The following PF4 variants were observed in gnomAD, a reference collection of about 807,000 sequenced individuals.
The protein encoded by PF4 is platelet factor 4.
Under a neutral mutation model 6.9 loss-of-function variants are expected in PF4, and 8 were observed. The ratio of observed to expected loss-of-function variants is 1.16; its 90% confidence interval spans 0.68 to 2.09. PF4 has a LOEUF of 2.09. Among genes scored for constraint, PF4 ranks in the 30% most tolerant of loss-of-function variants. The pLI is 0.00. For missense variants in PF4, 111 were observed against 122.9 expected (o/e 0.90, Z 0.46); for synonymous variants, 55 against 56.5 (o/e 0.97, Z 0.12).
rs1027382160 is a variant in PF4 at position 73,981,170 on chromosome 4, A to G, written c.*34T>C. The G allele has an allele frequency of 5.0e-6, 7 of 1,410,418 alleles. No individual in the cohort carries two copies. Among genetic ancestry groups the G allele is most frequent in the South Asian group, 2.3e-5 (2 of 86,980 alleles). 87.4% of individuals were successfully genotyped at this position (1,410,418 alleles called of 1,614,324 possible). A position where few individuals can be genotyped will look rare whatever the true frequency, so the allele number is the denominator to read the frequency against. On this transcript the variant is annotated 3_prime_UTR_variant, in exon 3 of 3. Coordinates refer to ENST00000296029, the MANE Select transcript of PF4 (RefSeq NM_002619.4). ...TGAAACTGGAAAAAAGAAGTATGCT[A>G]TATAGCAAATGCACACACGTAGGCA...
rs1279323841 is a variant in PF4, at chr4:73,981,101, T to A, written c.*103A>T. 1.3e-6 allele frequency: 1 copy of A among 795,344 alleles called. No homozygotes were observed. The highest frequency in any genetic ancestry group is 2.0e-6 in the Non-Finnish European group (1 of 488,082). The allele number at this position is 795,344 out of a possible 1,614,324, so 49.3% of individuals were successfully genotyped here. ...CTTGATTTATTTTGTTTATTTAAAA[T>A]CATAAGGATAACACAAATATCAGAA... On this transcript the variant is annotated 3_prime_UTR_variant, in exon 3 of 3. Transcript: ENST00000296029.
chr4:73,981,977 A>T lies in PF4; in HGVS notation c.-24T>A. On this transcript the variant is annotated 5_prime_UTR_variant, in exon 1 of 3. Coordinates refer to ENST00000296029, the MANE Select transcript of PF4 (RefSeq NM_002619.4). ...ATGCTGCGGCAGAGCTTCCAGCAGGATCTCAGTGCTCAGTGCGATGGGAAA... is the reference window on the plus strand; with the variant it reads ...ATGCTGCGGCAGAGCTTCCAGCAGGTTCTCAGTGCTCAGTGCGATGGGAAA... The T allele has an allele frequency of 6.5e-7, 1 of 1,544,402 alleles. No homozygotes were observed. Among genetic ancestry groups the T allele is most frequent in the Non-Finnish European group, 8.8e-7 (1 of 1,141,156 alleles).
intron 2 of PF4, 62 bp downstream of exon 2, chr4:73,981,355 G>A: frequency 6.2e-7 from 1 of 1,614,028 alleles, no homozygotes; most frequent in Non-Finnish European, 8.5e-7. Flanking sequence ...CATTAGAAGG[G>A]GGAGGGTTGG....
Position 73,981,550 on chromosome 4 carries a change from G to A in PF4, c.92-7C>T, listed in dbSNP as rs774757826. 6.2e-7 allele frequency: 1 copy of A among 1,611,494 alleles called. No individual in the cohort carries two copies. The highest frequency in any genetic ancestry group is 1.1e-5 in the South Asian group (1 of 90,688). ...CCATCTTCTTCAGCTTCAGCTGAGG[G>A]GGAAATGGAGAGGGTAAGAGAGGAG... On this transcript the variant is annotated splice_region_variant and splice_polypyrimidine_tract_variant and intron_variant, in intron 1 of 2. Coordinates refer to ENST00000296029, the MANE Select transcript of PF4 (RefSeq NM_002619.4).
rs750593879 is a variant in PF4, at chr4:73,981,271, C to T, written c.239G>A (p.Arg80Lys). The T allele has an allele frequency of 3.7e-6, 6 of 1,614,080 alleles. No individual in the cohort carries two copies. In the East Asian group the frequency reaches 1.3e-4, roughly 36 times the overall value. Residue 80 changes from arginine (R) to lysine (K), a missense_variant, in exon 3 of 3, where the codon AGG (arginine) becomes AAG (lysine). Arg to Lys is a conservative substitution (Grantham distance 26). Transcript: ENST00000296029. Reference sequence around the variant, plus strand: ...GGCTTGCAGGTCCAAGCAAATTTTCCTTCCATTCTTCAGCGTGGCTCTGGC... The same window carrying T: ...GGCTTGCAGGTCCAAGCAAATTTTCTTTCCATTCTTCAGCGTGGCTCTGGC... ...AQLIATLKNG[R>K]KICLDLQAPL...
chr4:73,981,728 T>G, intron 1 of PF4, 135 bp downstream of exon 1: 1 of 1,475,082 alleles, frequency 6.8e-7, no homozygotes, highest in Non-Finnish European at 9.0e-7. Flanking sequence ...CGCCTGGCAC[T>G]GTGGCCAGAC....
At position 73,981,189 on chromosome 4, in the gene PF4, G is replaced by T. The variant is rs201608869; in HGVS notation, c.*15C>A. 5.0e-6 allele frequency: 8 copies of T among 1,586,748 alleles called. No homozygotes were observed. The highest frequency in any genetic ancestry group is 1.7e-5 in the Admixed American group (1 of 59,994). ...TATGCTATATAGCAAATGCACACAC[G>T]TAGGCAGCTAGTAGCTAACTCTCCA... On this transcript the variant is annotated 3_prime_UTR_variant, in exon 3 of 3. Coordinates refer to ENST00000296029, the MANE Select transcript of PF4 (RefSeq NM_002619.4).
rs1490147926 is a variant in PF4, at chr4:73,981,927, G to GGC, written c.25_26dup (p.Ser10ProfsTer36). On this transcript the variant is annotated frameshift_variant, in exon 1 of 3. Coordinates refer to ENST00000296029, the MANE Select transcript of PF4 (RefSeq NM_002619.4). LOFTEE classifies it high-confidence loss of function. Reference sequence around the variant, plus strand: ...CCAGGAACAGCAGCCCGGGGCGTGAGGCGCAGAACCCGGCTGCGGAGCTCA... The same window carrying GGC: ...CCAGGAACAGCAGCCCGGGGCGTGAGGCGCGCAGAACCCGGCTGCGGAGCTCA... 3 of 1,551,028 alleles carry GGC rather than the reference G, an allele frequency of 1.9e-6. No homozygotes were observed. The highest frequency in any genetic ancestry group is 2.6e-6 in the Non-Finnish European group (3 of 1,146,894).
At chr4:73,981,680 C>G in intron 1 of PF4, 137 bp from the exon 2 acceptor site, 2 of 1,478,814 alleles carry the variant, frequency 1.4e-6, no homozygotes, top group Non-Finnish European at 1.8e-6. Context: ...CTCCCCCAGA[C>G]AGAAGTTGTT....
rs144889653 is a variant in PF4 at position 73,980,883 on chromosome 4, C to A, written c.*321G>T. 4.6e-5 allele frequency among the ~76,000 whole-genome samples: 7 copies of A among 152,302 alleles called. No homozygotes were observed. Among genetic ancestry groups the A allele is most frequent in the Non-Finnish European group, 1.0e-4 (7 of 68,034 alleles). ...AATAATGGTCAAGGTAAATATGTAG[C>A]TATAAAGTACTGCAATCATGTAAAT... is the stretch of plus-strand genomic sequence containing the variant. On this transcript the variant is annotated 3_prime_UTR_variant, in exon 3 of 3. Coordinates refer to ENST00000296029, the MANE Select transcript of PF4 (RefSeq NM_002619.4).
chr4:73,981,300 G>A lies in PF4; in HGVS notation c.219-9C>T, dbSNP rs779148321. The A allele has an allele frequency of 2.5e-6, 4 of 1,614,180 alleles. No homozygotes were observed. Among genetic ancestry groups the A allele is most frequent in the Non-Finnish European group, 3.4e-6 (4 of 1,180,002 alleles). On this transcript the variant is annotated splice_polypyrimidine_tract_variant and intron_variant, in intron 2 of 2. Transcript: ENST00000296029. ...CATTCTTCAGCGTGGCTCTGGCAGG[G>A]AAAAGAGAAGAGATGTGACTTTCAG...
rs1211023006 is a variant in PF4, at chr4:73,981,222, C to T, written c.288G>A (p.Lys96=). ...CTAGTAGCTAACTCTCCAAAAGTTTCTTAATTATTTTCTTGTACAGCGGGG... is the reference window on the plus strand; with the variant it reads ...CTAGTAGCTAACTCTCCAAAAGTTTTTTAATTATTTTCTTGTACAGCGGGG... ...LQAPLYKKII[K]KLLES The change falls in exon 3 of 3, where the codon AAG becomes AAA. Residue 96 remains lysine, a synonymous_variant. Transcript: ENST00000296029. The T allele has an allele frequency of 6.2e-7, 1 of 1,614,042 alleles. No homozygotes were observed. Among genetic ancestry groups the T allele is most frequent in the Middle Eastern group, 1.6e-4 (1 of 6,062 alleles).
chr4:73,981,380 G>A, intron 2 of PF4, 37 bp downstream of exon 2: 4 of 1,614,066 alleles, frequency 2.5e-6, no homozygotes, highest in Non-Finnish European at 3.4e-6. Context: ...AGGAGGCACG[G>A]AGCGGGAGCA....
intron 1 of PF4, 36 bp from the exon 2 acceptor site, chr4:73,981,579 G>C: frequency 6.3e-7 from 1 of 1,591,496 alleles, no homozygotes; most frequent in East Asian, 2.3e-5. Context: ...AGAGGAGGAG[G>C]GGAGGGAGTG....
At chr4:73,982,100 G>A, upstream of PF4, 1 of 434,084 alleles carries the variant, frequency 2.3e-6, no homozygotes, top group Non-Finnish European at 4.1e-6. Context: ...TGGACACCGA[G>A]GAACTGCGGT....
At chr4:73,982,096 C>T (rs1718822201), upstream of PF4, 1 of 476,468 alleles carries the variant, frequency 2.1e-6, no homozygotes, top group Non-Finnish European at 3.7e-6. Flanking sequence ...GAAGTGGACA[C>T]CGAGGAACTG....
rs1168643289 is a variant in PF4 at position 73,981,915 on chromosome 4, C to A, written c.39G>T (p.Gly13=). ...GGAGCAGCAACCCCAGGAACAGCAG[C>A]CCGGGGCGTGAGGCGCAGAACCCGG... ...SAAGFCASRP[G]LLFLGLLLLP... The change falls in exon 1 of 3, where the codon GGG becomes GGT. Residue 13 remains glycine, a synonymous_variant. Transcript: ENST00000296029. 1 of 1,551,184 alleles carries A rather than the reference C, an allele frequency of 6.4e-7. No homozygotes were observed. The highest frequency in any genetic ancestry group is 8.7e-7 in the Non-Finnish European group (1 of 1,146,904).
At position 73,981,024 on chromosome 4, in the gene PF4, T is replaced by C. The variant is rs2109810397; in HGVS notation, c.*180A>G. ...TTTTTTCTTCCATGAAATTGTTATG[T>C]GTCAACACAATTTTTGCACTATTAT... is the stretch of plus-strand genomic sequence containing the variant. On this transcript the variant is annotated 3_prime_UTR_variant, in exon 3 of 3. Coordinates refer to ENST00000296029, the MANE Select transcript of PF4 (RefSeq NM_002619.4). The C allele has an allele frequency of 1.7e-6, 1 of 585,478 alleles. No individual in the cohort carries two copies. Among genetic ancestry groups the C allele is most frequent in the South Asian group, 2.3e-5 (1 of 42,914 alleles). 36.3% of individuals were successfully genotyped at this position (585,478 alleles called of 1,614,324 possible). A position where few individuals can be genotyped will look rare whatever the true frequency, so the allele number is the denominator to read the frequency against.
rs139635008 is a variant in PF4 at position 73,981,426 on chromosome 4, G to T, written c.209C>A (p.Ala70Asp). The change falls in exon 2 of 3, where the codon GCC (alanine) becomes GAC (aspartate). Residue 70 changes from alanine to aspartate, a missense_variant. By Grantham distance (126) the Ala-to-Asp change is moderately radical (BLOSUM62 -2). Transcript: ENST00000296029. ...VIKAGPHCPTAQLIATLKNGR... is the reference protein window; with the variant it reads ...VIKAGPHCPTDQLIATLKNGR... ...CAGTGCAAGGACTCACATCAGTTGG[G>T]CAGTGGGGCAGTGGGGTCCGGCCTT... 57 of 1,614,056 alleles carry T rather than the reference G, an allele frequency of 3.5e-5. No individual in the cohort carries two copies. The highest frequency in any genetic ancestry group is 1.1e-5 in the Non-Finnish European group (13 of 1,180,006).
Sources: allele counts gnomAD v4.1 joint callset (sites outside exome capture counted in the v4.1 genomes callset), GRCh38; gene constraint gnomAD v4.1.1; transcripts MANE v1.5; gene names NCBI Gene and HGNC (gene_info 2026-07-23, HGNC 2026-07-21).